The following SLIT1 variants were observed in gnomAD, a reference collection of about 807,000 sequenced individuals.
SLIT1 encodes the protein slit guidance ligand 1.
A neutral mutation model predicts 186.1 loss-of-function variants in SLIT1; 66 were observed. The ratio of observed to expected loss-of-function variants is 0.35; its 90% CI spans 0.29 to 0.44. SLIT1 has a LOEUF of 0.44. Among genes scored for constraint, SLIT1 ranks in the 20% least tolerant of loss-of-function variants. The probability of loss-of-function intolerance (pLI) is 1.00; values close to 1 mark genes in which losing one functional copy is unlikely to be tolerated. For missense variants in SLIT1, 1,638 were observed against 2,037.4 expected, an observed-to-expected ratio of 0.80 and a Z score of 3.77; for synonymous variants, 761 against 833.8, an observed-to-expected ratio of 0.91 and a Z score of 1.50.
intron 4 of SLIT1, among the ~76,000 whole-genome samples, chr10:97,097,245 G>A (rs2134667516): frequency 6.6e-6 from 1 of 152,342 alleles, no homozygotes; most frequent in East Asian, 1.9e-4. Flanking sequence ...AGCATGGAGT[G>A]CCTTGATGCT....
rs185360960 is a variant in SLIT1 at position 97,032,113 on chromosome 10, G to A, written c.2439-436C>T. On this transcript the variant is annotated intron_variant, in intron 23 of 36. Transcript: ENST00000266058. ...GACACCTGACTGCGGGGAGCTCACC[G>A]TCTCAGCCGACCACTTCCAGGGAGG... Among the ~76,000 whole-genome samples, 5 of 152,348 alleles carry A rather than the reference G, an allele frequency of 3.3e-5. No individual in the cohort carries two copies. The East Asian group carries it at 5.8e-4, about 18-fold the overall frequency.
intron 31 of SLIT1, among the ~76,000 whole-genome samples, chr10:97,007,378 C>T (rs1049232805): frequency 2.0e-5 from 3 of 152,124 alleles, no homozygotes; most frequent in Non-Finnish European, 2.9e-5. Flanking sequence ...ACAATAAATA[C>T]CAATTCTTCA....
At chr10:97,053,544 G>A (rs1425628043) in intron 13 of SLIT1, among the ~76,000 whole-genome samples, 1 of 152,174 alleles carries the variant, frequency 6.6e-6, no homozygotes, top group Non-Finnish European at 1.5e-5. Context: ...AATACCCCAT[G>A]TAGATGTTAT....
At chr10:97,038,558 C>G (rs1003517657) in intron 21 of SLIT1, among the ~76,000 whole-genome samples, 1 of 152,206 alleles carries the variant, frequency 6.6e-6, no homozygotes. Context: ...TCAAGATGCT[C>G]TGAACCTCCC....
chr10:97,184,152 GCTCACTAATTGCTGGC>G lies in SLIT1; in HGVS notation c.197+1310_197+1325del, dbSNP rs947875811. On this transcript the variant is annotated intron_variant, in intron 1 of 36. Transcript: ENST00000266058. The surrounding 1 kb of genome is among the most constrained non-coding windows in gnomAD (Gnocchi z 4.4). ...CAAGAAGAGTCTGGGGCAAATGTGTGCTCACTAATTGCTGGCCTTGGTACAGAGTCTGATTCGGGAG... is the reference window on the plus strand; with the variant it reads ...CAAGAAGAGTCTGGGGCAAATGTGTGCTTGGTACAGAGTCTGATTCGGGAG... Among the ~76,000 whole-genome samples, 2 of 152,014 alleles carry G rather than the reference GCTCACTAATTGCTGGC, an allele frequency of 1.3e-5. No homozygotes were observed. Among genetic ancestry groups the G allele is most frequent in the African/African-American group, 4.8e-5 (2 of 41,386 alleles).
intron 4 of SLIT1, among the ~76,000 whole-genome samples, chr10:97,080,651 G>A (rs555178508): frequency 3.9e-5 from 6 of 152,260 alleles, no homozygotes; most frequent in Admixed American, 1.3e-4. Context: ...TCAAACACCC[G>A]GAGCTGGGGC....
chr10:97,180,701 C>T lies in SLIT1; in HGVS notation c.197+4777G>A, dbSNP rs1850324650. Among the ~76,000 whole-genome samples, 3 of 152,206 alleles carry T rather than the reference C, an allele frequency of 2.0e-5. No homozygotes were observed. The South Asian group carries it at 6.2e-4, about 32-fold the overall frequency. On this transcript the variant is annotated intron_variant, in intron 1 of 36. Transcript: ENST00000266058. ...CTGCATACAGTCCCCACTCTGTCTC[C>T]ACATCCCAAGGGAAAGGGGCAGAGA...
At chr10:97,031,928 C>T (rs1414075423) in intron 23 of SLIT1, among the ~76,000 whole-genome samples, 1 of 152,274 alleles carries the variant, frequency 6.6e-6, no homozygotes, top group East Asian at 1.9e-4. Flanking sequence ...ATAATGCCAA[C>T]TCCATAGGGC....
intron 25 of SLIT1, among the ~76,000 whole-genome samples, chr10:97,028,518 T>C (rs1196497495): frequency 6.6e-6 from 1 of 152,194 alleles, no homozygotes; most frequent in Non-Finnish European, 1.5e-5. Context: ...GAACATCCCA[T>C]TTTTTCATGT....
intron 36 of SLIT1, among the ~76,000 whole-genome samples, chr10:97,001,914 T>A (rs2134584099): frequency 6.6e-6 from 1 of 152,042 alleles, no homozygotes; most frequent in Admixed American, 6.5e-5. Context: ...TGGTCTCTTC[T>A]GCAAGGAGAG....
Position 97,087,507 on chromosome 10 carries a change from T to C in SLIT1, c.414-21421A>G, listed in dbSNP as rs534465024. 9.2e-5 allele frequency among the ~76,000 whole-genome samples: 14 copies of C among 152,366 alleles called. 1 individual carries two copies. Among genetic ancestry groups the C allele is most frequent in the Non-Finnish European group, 1.9e-4 (13 of 68,036 alleles). ...GCACAGCTGTGGAGAAGGATGCATC[T>C]GCCCTCTGCCAGCTTCCTGGAGGAA... On this transcript the variant is annotated intron_variant, in intron 4 of 36. Transcript: ENST00000266058.
Position 97,021,115 on chromosome 10 carries a change from G to T in SLIT1, c.2746+135C>A. 1 of 697,980 alleles carries T rather than the reference G, an allele frequency of 1.4e-6. No individual in the cohort carries two copies. 43.2% of individuals were successfully genotyped at this position (697,980 alleles called of 1,614,324 possible). ...AGGATTGGAAGGCAGCCATCAAGCC[G>T]CAGGTGCCTTGTTCCTGTCCCCTGA... On this transcript the variant is annotated intron_variant, in intron 26 of 36. Coordinates refer to ENST00000266058, the MANE Select transcript of SLIT1 (RefSeq NM_003061.3). The surrounding 1 kb of genome is among the most constrained non-coding windows in gnomAD (Gnocchi z 4.5).
chr10:97,142,943 T>C (rs1280552614), intron 4 of SLIT1, among the ~76,000 whole-genome samples: 1 of 152,160 alleles, frequency 6.6e-6, no homozygotes, highest in Non-Finnish European at 1.5e-5. Context: ...ACATATCACC[T>C]CATTAGGATG....
intron 4 of SLIT1, among the ~76,000 whole-genome samples, chr10:97,143,794 C>T (rs866766893): frequency 2.0e-5 from 3 of 152,158 alleles, no homozygotes; most frequent in Middle Eastern, 3.2e-3. Context: ...ACCTCTGCTG[C>T]CTCCACGAAC....
intron 28 of SLIT1, among the ~76,000 whole-genome samples, chr10:97,018,228 G>A (rs992274771): frequency 2.0e-5 from 3 of 152,162 alleles, no homozygotes; most frequent in African/African-American, 4.8e-5. Flanking sequence ...CATGGAATCC[G>A]AGTGCCTTCA....
intron 4 of SLIT1, among the ~76,000 whole-genome samples, chr10:97,096,176 T>TTA (rs1234981433): frequency 6.6e-6 from 1 of 152,222 alleles, no homozygotes; most frequent in Non-Finnish European, 1.5e-5. Context: ...AACAGCCAGC[T>TTA]GCGGCCCGAG....
At chr10:97,158,782 A>G (rs1849987277) in intron 3 of SLIT1, among the ~76,000 whole-genome samples, 1 of 151,988 alleles carries the variant, frequency 6.6e-6, no homozygotes, top group Admixed American at 6.5e-5. Flanking sequence ...CGGGAGGCTG[A>G]GGTGGGAGAA....
intron 1 of SLIT1, among the ~76,000 whole-genome samples, chr10:97,171,148 C>A (rs559356186): frequency 6.6e-6 from 1 of 152,362 alleles, no homozygotes; most frequent in South Asian, 2.1e-4. Context: ...GCTTTGAAAT[C>A]TTACCCTGGC....
At chr10:97,105,056 GC>G (rs1037258299) in intron 4 of SLIT1, among the ~76,000 whole-genome samples, 1 of 152,082 alleles carries the variant, frequency 6.6e-6, no homozygotes, top group South Asian at 2.1e-4. Flanking sequence ...CTCCTATTTG[GC>G]CCCCTCCATG....
Sources: gnomAD v4.1 joint callset for allele counts (sites outside exome capture counted in the v4.1 genomes callset) on GRCh38, gnomAD v4.1.1 for gene constraint, Gnocchi (gnomAD v3.1) non-coding constraint, MANE v1.5 for transcripts, NCBI Gene and HGNC (gene_info 2026-07-23, HGNC 2026-07-21) for gene names.